Variants in ANKS1B observed in about 807,000 individuals in gnomAD.
ANKS1B encodes the protein ankyrin repeat and sterile alpha motif domain-containing protein 1B.
A neutral mutation model predicts 148.3 loss-of-function variants in ANKS1B; 36 were observed. The ratio of observed to expected loss-of-function variants is 0.24; its 90% CI spans 0.19 to 0.32. The LOEUF (loss-of-function observed/expected upper bound fraction) is 0.32, where lower values mean the gene tolerates loss of function less well. Ranked by LOEUF, ANKS1B falls within the 10% of genes least tolerant of loss-of-function variation. The pLI, the probability that ANKS1B is intolerant of heterozygous loss-of-function variation, is 1.00. For missense variants in ANKS1B, 1,157 were observed against 1,542.6 expected (o/e 0.75, Z 4.19); for synonymous variants, 542 against 560.8 (o/e 0.97, Z 0.47).
At chr12:99,526,695 T>C (rs1034630244) in intron 9 of ANKS1B, among the ~76,000 whole-genome samples, 23 of 152,106 alleles carry the variant, frequency 1.5e-4, no homozygotes, top group African/African-American at 5.6e-4. Flanking sequence ...AATTTAACAT[T>C]TGAAAACAAA....
intron 12 of ANKS1B, among the ~76,000 whole-genome samples, chr12:99,320,545 G>A (rs769308763): frequency 1.4e-4 from 22 of 152,156 alleles, no homozygotes; most frequent in South Asian, 6.2e-4. Context: ...AGCTCCATCC[G>A]GTCATTTAAG....
At chr12:99,443,617 C>T in intron 11 of ANKS1B, 56 bp downstream of exon 11, 1 of 1,577,674 alleles carries the variant, frequency 6.3e-7, no homozygotes, top group Non-Finnish European at 8.7e-7. Flanking sequence ...GATGTACATG[C>T]ATTGATTCAA....
intron 17 of ANKS1B, among the ~76,000 whole-genome samples, chr12:98,852,613 A>G (rs2099535883): frequency 6.6e-6 from 1 of 152,106 alleles, no homozygotes; most frequent in South Asian, 2.1e-4. Flanking sequence ...ACTGTGTTTA[A>G]TCCCCACGGA....
In ANKS1B at chr12:98,875,596, A is replaced by G. The variant is rs2152442414; in HGVS notation, c.2779-43460T>C. On this transcript the variant is annotated intron_variant, in intron 17 of 26. Coordinates refer to ENST00000683438, the MANE Select transcript of ANKS1B (RefSeq NM_001352186.2). ...AAGCCTTCCTGGTTTCTTTCTTTCC[A>G]CTCTTGTTTCTTTAGTTTGTTTATC... 1.3e-5 allele frequency among the ~76,000 whole-genome samples: 2 copies of G among 150,608 alleles called. 1 individual carries two copies.
intron 8 of ANKS1B, among the ~76,000 whole-genome samples, chr12:99,708,524 T>C (rs1443035425): frequency 6.6e-6 from 1 of 152,124 alleles, no homozygotes; most frequent in Non-Finnish European, 1.5e-5. Context: ...CTCTAGAGGA[T>C]CTGGGAATAA....
At chr12:98,833,338 G>A (rs371798905) in intron 17 of ANKS1B, among the ~76,000 whole-genome samples, 19 of 152,136 alleles carry the variant, frequency 1.2e-4, no homozygotes, top group East Asian at 3.8e-4. Context: ...CAAAGTATAC[G>A]TCACAAAATT....
chr12:98,829,086 A>C lies in ANKS1B; in HGVS notation c.3066+88T>G, dbSNP rs2099273975. 3 of 1,467,498 alleles carry C rather than the reference A, an allele frequency of 2.0e-6. No homozygotes were observed. Among genetic ancestry groups the C allele is most frequent in the Non-Finnish European group, 2.8e-6 (3 of 1,057,398 alleles). 90.9% of individuals were successfully genotyped at this position (1,467,498 alleles called of 1,614,324 possible). On this transcript the variant is annotated intron_variant, in intron 19 of 26. Transcript: ENST00000683438. The surrounding 1 kb of genome is among the most constrained non-coding windows in gnomAD (Gnocchi z 5.2). Reference sequence around the variant, plus strand: ...TATAAATTCTAGTTAGGCACGGACAATAAGCATCCATAGGAAGCTACTGTT... The same window carrying C: ...TATAAATTCTAGTTAGGCACGGACACTAAGCATCCATAGGAAGCTACTGTT...
At chr12:99,605,330 G>A (rs780182005) in intron 9 of ANKS1B, among the ~76,000 whole-genome samples, 6 of 151,942 alleles carry the variant, frequency 3.9e-5, no homozygotes, top group Non-Finnish European at 7.4e-5. Context: ...TGTTTGCAGT[G>A]AAAACATTAA....
chr12:99,924,126 C>T (rs1489470643), intron 1 of ANKS1B, among the ~76,000 whole-genome samples: 2 of 152,102 alleles, frequency 1.3e-5, no homozygotes, highest in Admixed American at 6.6e-5. Context: ...CTAACACAAG[C>T]AGGTACTTAA....
At chr12:99,511,163 C>T (rs1204846246) in intron 9 of ANKS1B, among the ~76,000 whole-genome samples, 1 of 151,898 alleles carries the variant, frequency 6.6e-6, no homozygotes, top group Non-Finnish European at 1.5e-5. Flanking sequence ...GTGGGTTTGT[C>T]ATATATGGCT....
chr12:99,128,816 G>A (rs1000027091), intron 15 of ANKS1B, among the ~76,000 whole-genome samples: 2 of 152,174 alleles, frequency 1.3e-5, no homozygotes, highest in African/African-American at 4.8e-5. Flanking sequence ...AAGTTCTGAG[G>A]CCTAGAAGAA....
At chr12:99,325,568 A>G (rs1201627451) in intron 12 of ANKS1B, among the ~76,000 whole-genome samples, 1 of 152,166 alleles carries the variant, frequency 6.6e-6, no homozygotes, top group Admixed American at 6.6e-5. Flanking sequence ...ATAGACATCT[A>G]AATTTGTTCA....
At chr12:99,017,556 G>C (rs1391034037) in intron 17 of ANKS1B, among the ~76,000 whole-genome samples, 1 of 152,044 alleles carries the variant, frequency 6.6e-6, no homozygotes, top group Non-Finnish European at 1.5e-5. Context: ...TTGATCCTAT[G>C]GCCTCACCCA....
At chr12:99,702,931 C>T (rs1005689959) in intron 8 of ANKS1B, among the ~76,000 whole-genome samples, 2 of 151,990 alleles carry the variant, frequency 1.3e-5, no homozygotes, top group Non-Finnish European at 2.9e-5. Flanking sequence ...CTTTAATCCA[C>T]TTTCATTTGA....
At chr12:99,419,020 A>T (rs2095000161) in intron 11 of ANKS1B, among the ~76,000 whole-genome samples, 1 of 152,124 alleles carries the variant, frequency 6.6e-6, no homozygotes. Context: ...TACATTTCTG[A>T]ATACTATTTG....
chr12:99,202,111 C>T (rs2082138673), intron 14 of ANKS1B, among the ~76,000 whole-genome samples: 1 of 152,188 alleles, frequency 6.6e-6, no homozygotes, highest in Non-Finnish European at 1.5e-5. Context: ...ATAGGGTCAG[C>T]ATATGTCTTC....
intron 14 of ANKS1B, among the ~76,000 whole-genome samples, chr12:99,226,214 A>C (rs923484168): frequency 1.3e-5 from 2 of 152,176 alleles, no homozygotes; most frequent in African/African-American, 4.8e-5. Context: ...CTTCCAGAGA[A>C]GAAATTTCTG....
intron 1 of ANKS1B, among the ~76,000 whole-genome samples, chr12:99,900,646 A>G (rs1254202930): frequency 6.6e-6 from 1 of 152,154 alleles, no homozygotes; most frequent in Non-Finnish European, 1.5e-5. Context: ...CAAGCAGGGA[A>G]GATTACATTA....
At chr12:99,064,929 G>A (rs539273874) in intron 16 of ANKS1B, among the ~76,000 whole-genome samples, 1 of 152,264 alleles carries the variant, frequency 6.6e-6, no homozygotes, top group East Asian at 1.9e-4. Flanking sequence ...TTGAGGTAAT[G>A]TTGACCCTAG....
Sources: gnomAD v4.1 joint callset for allele counts (sites outside exome capture counted in the v4.1 genomes callset) on GRCh38, gnomAD v4.1.1 for gene constraint, Gnocchi (gnomAD v3.1) non-coding constraint, MANE v1.5 for transcripts, NCBI Gene and HGNC (gene_info 2026-07-23, HGNC 2026-07-21) for gene names.